The following LAT2 variants were observed in gnomAD, a reference collection of about 807,000 sequenced individuals.
LAT2 encodes the protein linker for activation of T cells family member 2, also known as linker for activation of T-cells family member 2.
In LAT2, 23 loss-of-function variants were observed where a neutral mutation model predicts 43.4. The ratio of observed to expected loss-of-function variants is 0.53; its 90% CI spans 0.38 to 0.75. The LOEUF is 0.75. Ranked by LOEUF, LAT2 falls within the 30% of genes least tolerant of loss-of-function variation. The pLI is 0.00. For missense variants in LAT2, 284 were observed against 310.2 expected, an observed-to-expected ratio of 0.92 and a Z score of 0.64; for synonymous variants, 128 against 123.2, an observed-to-expected ratio of 1.04 and a Z score of -0.26.
Position 74,224,328 on chromosome 7 carries a change from G to A in LAT2, c.628+131G>A, listed in dbSNP as rs1392716054. ...ACCCCGCAGTGATGCCTGGGTGCAG[G>A]AGCAGCTGCAGAGACCTTGAACCAC... is the stretch of plus-strand genomic sequence containing the variant. On this transcript the variant is annotated intron_variant, in intron 12 of 13. Coordinates refer to ENST00000460943, the MANE Select transcript of LAT2 (RefSeq NM_032464.3). 5.8e-6 allele frequency: 6 copies of A among 1,033,000 alleles called. No individual in the cohort carries two copies. In the African/African-American group the frequency reaches 7.8e-5, roughly 13 times the overall value. The allele number at this position is 1,033,000 out of a possible 1,614,324, so 64.0% of individuals were successfully genotyped here.
chr7:74,214,691 A>G (rs1169541734), intron 1 of LAT2, 131 bp from the exon 2 acceptor site: 1 of 78,694 alleles, frequency 1.3e-5, no homozygotes, highest in Non-Finnish European at 2.2e-5. Flanking sequence ...TATGAAAATA[A>G]TATATATAAA....
chr7:74,220,180 G>A lies in LAT2; in HGVS notation c.228-37G>A. On this transcript the variant is annotated intron_variant, in intron 6 of 13. Coordinates refer to ENST00000460943, the MANE Select transcript of LAT2 (RefSeq NM_032464.3). This position sits in a 1 kb window ranked among gnomAD's most constrained non-coding sequence, Gnocchi z 4.5. ...TGTCCTGGGGGGCCTCTCCCCTACA[G>A]CCCCTCCTTTAACTCCCTCCTTCCC... 1.3e-6 allele frequency: 2 copies of A among 1,585,602 alleles called. No homozygotes were observed. The highest frequency in any genetic ancestry group is 1.7e-6 in the Non-Finnish European group (2 of 1,163,914).
At chr7:74,226,382 A>AGATCACTT (rs2116199239) in intron 13 of LAT2, 1 of 152,322 alleles carries the variant, frequency 6.6e-6, no homozygotes, top group South Asian at 2.1e-4. Flanking sequence ...TGAGGTGGGA[A>AGATCACTT]GATCACTTGA....
At chr7:74,228,251 C>A (rs1435840786) in intron 13 of LAT2, among the ~76,000 whole-genome samples, 8 of 137,094 alleles carry the variant, frequency 5.8e-5, no homozygotes, top group Non-Finnish European at 7.7e-5. Context: ...CTGAGGCGGG[C>A]GGATCACAAG....
intron 5 of LAT2, 52 bp downstream of exon 5, chr7:74,219,839 C>G: frequency 6.2e-7 from 1 of 1,612,544 alleles, no homozygotes; most frequent in Non-Finnish European, 8.5e-7. Context: ...GTGTCCCTAT[C>G]AAGTTATCTC....
At chr7:74,223,693 A>G (rs1293977566) in intron 10 of LAT2, 31 bp from the exon 11 acceptor site, 1 of 1,606,400 alleles carries the variant, frequency 6.2e-7, no homozygotes, top group East Asian at 2.2e-5. Flanking sequence ...GTCTGCCCAC[A>G]CCCCCGTGCC....
chr7:74,218,719 G>A (rs1802135321), intron 4 of LAT2, among the ~76,000 whole-genome samples: 1 of 152,184 alleles, frequency 6.6e-6, no homozygotes, highest in Non-Finnish European at 1.5e-5. Flanking sequence ...TTTAGAGATG[G>A]AGCCACATTT....
rs782694803 is a variant in LAT2, at chr7:74,221,410, C to CAAA, written c.333-200_333-198dup. 3.0e-3 allele frequency among the ~76,000 whole-genome samples: 64 copies of CAAA among 21,076 alleles called. 4 individuals are homozygous for CAAA. The highest frequency in any genetic ancestry group is 7.6e-3 in the African/African-American group (58 of 7,642). The allele number at this position is 21,076 out of a possible 152,430, so 13.8% of individuals were successfully genotyped here. ...AGCCTGGGTGACAGAGACTCTGTCT[C>CAAA]AAAAAAAAAAAAAAAAAAAAAAAAA... On this transcript the variant is annotated intron_variant, in intron 9 of 13. Coordinates refer to ENST00000460943, the MANE Select transcript of LAT2 (RefSeq NM_032464.3).
At chr7:74,221,745 C>T (rs542320674) in intron 10 of LAT2, 53 bp downstream of exon 10, 2 of 1,496,682 alleles carry the variant, frequency 1.3e-6, no homozygotes, top group South Asian at 1.1e-5. Flanking sequence ...GAGCTCAGGG[C>T]AGAAGCCATA....
intron 1 of LAT2, among the ~76,000 whole-genome samples, chr7:74,210,436 C>A (rs1801690502): frequency 1.3e-5 from 2 of 152,168 alleles, no homozygotes; most frequent in African/African-American, 4.8e-5. Context: ...GGGACTGTAA[C>A]CCCCTACACA....
intron 9 of LAT2, 148 bp from the exon 10 acceptor site, chr7:74,221,489 G>A (rs1183332442): frequency 2.2e-5 from 11 of 493,232 alleles, no homozygotes; most frequent in East Asian, 1.6e-4. Flanking sequence ...GGGGGTGGGG[G>A]AATCAGAGAG....
Position 74,220,240 on chromosome 7 carries a change from AC to A in LAT2, c.255del (p.Ser86AlafsTer26). 6.2e-7 allele frequency: 1 copy of A among 1,611,202 alleles called. No individual in the cohort carries two copies. The highest frequency in any genetic ancestry group is 1.7e-4 in the Middle Eastern group (1 of 6,040). On this transcript the variant is annotated frameshift_variant, in exon 7 of 14. Transcript: ENST00000460943. LOFTEE classifies it high-confidence loss of function. This position sits in a 1 kb window ranked among gnomAD's most constrained non-coding sequence, Gnocchi z 4.5. ...AGGAAGGACAAGCTGTTGCAATTCT[AC>A]CCCAGCCTGGAGGGTGAGTGGCACA... is the stretch of plus-strand genomic sequence containing the variant. ...PTRKDKLLQF[Y>X]PSLEDPASSR...
Position 74,224,930 on chromosome 7 carries a change from C to T in LAT2, c.*18+170C>T, listed in dbSNP as rs1278571894. On this transcript the variant is annotated intron_variant, in intron 13 of 13. Transcript: ENST00000460943. The stretch of plus-strand genomic sequence containing the variant: ...AGGGCAGCTTGGCGACTCTGTTCCT[C>T]TGTTCTGGCCAGGGGCGTCAGGCAG... The T allele has an allele frequency of 7.7e-4, 405 of 527,504 alleles. 4 individuals carry two copies. Among genetic ancestry groups the T allele is most frequent in the Non-Finnish European group, 2.8e-4 (83 of 294,580 alleles). The allele number at this position is 527,504 out of a possible 1,614,324, so 32.7% of individuals were successfully genotyped here.
In LAT2 at chr7:74,220,513, G is replaced by C; in HGVS notation, c.266-71G>C. On this transcript the variant is annotated intron_variant, in intron 7 of 13. Coordinates refer to ENST00000460943, the MANE Select transcript of LAT2 (RefSeq NM_032464.3). The surrounding 1 kb of genome is among the most constrained non-coding windows in gnomAD (Gnocchi z 4.5). ...ACGGGAAATAGCTGGCCCTGCCTTGGGCTGCAGCACCCGAGCTGGGTGCAA... is the reference window on the plus strand; with the variant it reads ...ACGGGAAATAGCTGGCCCTGCCTTGCGCTGCAGCACCCGAGCTGGGTGCAA... 1 of 1,593,442 alleles carries C rather than the reference G, an allele frequency of 6.3e-7. No homozygotes were observed. Among genetic ancestry groups the C allele is most frequent in the Non-Finnish European group, 8.6e-7 (1 of 1,163,424 alleles).
At chr7:74,214,793 T>TATA (rs1554714004) in intron 1 of LAT2, 29 bp from the exon 2 acceptor site, 610 of 40,790 alleles carry the variant, frequency 0.015, 7 homozygotes, top group Non-Finnish European at 0.02. Context: ...ATATATATAT[T>TATA]TTTTTTTTTT....
chr7:74,217,901 T>G (rs1802100353), intron 4 of LAT2, among the ~76,000 whole-genome samples: 1 of 152,188 alleles, frequency 6.6e-6, no homozygotes, highest in Non-Finnish European at 1.5e-5. Context: ...ACAGTGAGAT[T>G]TGAAAATAGA....
chr7:74,213,107 C>T (rs1554713383), intron 1 of LAT2, among the ~76,000 whole-genome samples: 1 of 152,072 alleles, frequency 6.6e-6, no homozygotes, highest in African/African-American at 2.4e-5. Context: ...CCTGGAGCTC[C>T]TCCATTATTA....
In LAT2 at chr7:74,214,213, A is replaced by AAAATATATAT. The variant is rs1554713700; in HGVS notation, c.-218-607_-218-598dup. On this transcript the variant is annotated intron_variant, in intron 1 of 13. Transcript: ENST00000460943. ...AAATATATATATGAAAATATATATG[A>AAAATATATAT]AAATATATATATGAAAATATATATG... Among the ~76,000 whole-genome samples the AAAATATATAT allele has an allele frequency of 4.0e-5, 4 of 100,478 alleles. No individual in the cohort carries two copies. The East Asian group carries it at 7.9e-4, about 20-fold the overall frequency. 65.9% of individuals were successfully genotyped at this position (100,478 alleles called of 152,430 possible).
intron 13 of LAT2, among the ~76,000 whole-genome samples, chr7:74,227,202 C>T (rs553468225): frequency 1.3e-4 from 19 of 151,300 alleles, no homozygotes; most frequent in African/African-American, 3.4e-4. Context: ...CCACCACACC[C>T]GGCCAATTTG....
Sources: gnomAD v4.1 joint callset for allele counts (sites outside exome capture counted in the v4.1 genomes callset) on GRCh38, gnomAD v4.1.1 for gene constraint, Gnocchi (gnomAD v3.1) non-coding constraint, MANE v1.5 for transcripts, NCBI Gene and HGNC (gene_info 2026-07-23, HGNC 2026-07-21) for gene names.